Variants in GPHN observed in about 807,000 individuals in gnomAD.
GPHN encodes gephyrin.
Under a neutral mutation model 95.5 loss-of-function variants are expected in GPHN, and 17 were observed. That is an observed-to-expected ratio of 0.18 (90% CI 0.12 to 0.27). The LOEUF is 0.27. GPHN is among the 10% of genes least tolerant of loss of function. The pLI, the probability that GPHN is intolerant of heterozygous loss-of-function variation, is 1.00. For missense variants in GPHN, 660 were observed against 978.1 expected, an observed-to-expected ratio of 0.67 and a Z score of 4.34; for synonymous variants, 320 against 322.5, an observed-to-expected ratio of 0.99 and a Z score of 0.08.
At chr14:67,150,498 A>C (rs1169573377) in intron 18 of GPHN, among the ~76,000 whole-genome samples, 2 of 147,892 alleles carry the variant, frequency 1.4e-5, no homozygotes, top group African/African-American at 5.0e-5. Flanking sequence ...CAGAATAATT[A>C]TTTGATTTTG....
chr14:67,265,324 G>A, the GPHN span, among the ~76,000 whole-genome samples: 1 of 152,166 alleles, frequency 6.6e-6, no homozygotes, highest in African/African-American at 2.4e-5. Flanking sequence ...TCGGGAGGCT[G>A]AGGTGGGAGG....
chr14:67,718,415 T>C, the GPHN span, among the ~76,000 whole-genome samples: 3 of 152,198 alleles, frequency 2.0e-5, no homozygotes, highest in African/African-American at 7.2e-5. Context: ...AGGAGACCAG[T>C]ACAGTATGAG....
intron 5 of GPHN, among the ~76,000 whole-genome samples, chr14:66,915,136 G>A (rs2065843438): frequency 6.6e-6 from 1 of 152,022 alleles, no homozygotes; most frequent in South Asian, 2.1e-4. Context: ...ATAAAATATA[G>A]GACAGTTTTA....
chr14:67,521,640 A>G, the GPHN span, among the ~76,000 whole-genome samples: 1 of 152,234 alleles, frequency 6.6e-6, no homozygotes, highest in South Asian at 2.1e-4. Context: ...TGAAGAACTC[A>G]TGATTCTGTG....
At chr14:66,676,386 C>G (rs2066589095) in intron 1 of GPHN, among the ~76,000 whole-genome samples, 1 of 151,956 alleles carries the variant, frequency 6.6e-6, no homozygotes, top group Non-Finnish European at 1.5e-5. Flanking sequence ...TTTTCTTGTT[C>G]TAGTTCTTAA....
the GPHN span, among the ~76,000 whole-genome samples, chr14:67,310,584 T>C: frequency 6.6e-6 from 1 of 152,224 alleles, no homozygotes; most frequent in Admixed American, 6.5e-5. Flanking sequence ...TATACACTTA[T>C]GATAATGTGT....
intron 10 of GPHN, among the ~76,000 whole-genome samples, chr14:67,055,124 C>T (rs1011748970): frequency 2.0e-5 from 3 of 152,028 alleles, no homozygotes. Context: ...TTCTGCACAG[C>T]AAAAGAAACT....
intron 3 of GPHN, among the ~76,000 whole-genome samples, chr14:66,808,793 T>C (rs2153480980): frequency 6.6e-6 from 1 of 152,206 alleles, no homozygotes; most frequent in South Asian, 2.1e-4. Flanking sequence ...TGAGACTTCA[T>C]CTCAAAAAAT....
chr14:67,573,934 G>T, the GPHN span: 1 of 1,393,786 alleles, frequency 7.2e-7, no homozygotes, highest in South Asian at 1.2e-5. The surrounding 1 kb of genome is among the most constrained non-coding windows in gnomAD (Gnocchi z 4.8). Flanking sequence ...AGAGGTGCTG[G>T]GTTTGGATAT....
intron 17 of GPHN, among the ~76,000 whole-genome samples, chr14:67,124,844 C>G (rs2079206765): frequency 6.6e-6 from 1 of 151,792 alleles, no homozygotes; most frequent in African/African-American, 2.4e-5. Context: ...ACTTAATATA[C>G]TGTATATACT....
intron 1 of GPHN, among the ~76,000 whole-genome samples, chr14:66,673,934 A>G (rs1211995049): frequency 6.6e-6 from 1 of 152,182 alleles, no homozygotes; most frequent in South Asian, 2.1e-4. Context: ...GTGTAATTAT[A>G]AAATCAGGGT....
chr14:67,140,755 G>T (rs1390049699), intron 17 of GPHN, among the ~76,000 whole-genome samples: 2 of 152,132 alleles, frequency 1.3e-5, no homozygotes, highest in Non-Finnish European at 2.9e-5. Context: ...ATCCAGCAAG[G>T]CAAGGAGCCC....
the GPHN span, among the ~76,000 whole-genome samples, chr14:67,337,065 G>A: frequency 1.4e-4 from 21 of 152,192 alleles, no homozygotes; most frequent in South Asian, 4.1e-4. Flanking sequence ...TTTTTCCTCT[G>A]TAAAATAGGG....
chr14:67,355,009 T>A, the GPHN span, among the ~76,000 whole-genome samples: 14 of 151,978 alleles, frequency 9.2e-5, no homozygotes, highest in African/African-American at 3.4e-4. Context: ...GACAGGTTTC[T>A]CCATGTTGGT....
chr14:67,004,467 A>T (rs1449185695), intron 9 of GPHN, among the ~76,000 whole-genome samples: 2 of 151,834 alleles, frequency 1.3e-5, no homozygotes. Context: ...ATGATTTTAC[A>T]AATTGAAATA....
At chr14:67,171,920 A>G (rs962028308) in intron 21 of GPHN, among the ~76,000 whole-genome samples, 3 of 152,112 alleles carry the variant, frequency 2.0e-5, no homozygotes, top group African/African-American at 7.2e-5. Flanking sequence ...TTGGACACCT[A>G]CAGACCTCAC....
intron 1 of GPHN, among the ~76,000 whole-genome samples, chr14:66,641,452 G>A (rs925257459): frequency 1.3e-5 from 2 of 152,156 alleles, no homozygotes; most frequent in Non-Finnish European, 2.9e-5. Context: ...TTGTATAAAA[G>A]ATGGATGTTT....
intron 1 of GPHN, among the ~76,000 whole-genome samples, chr14:66,625,528 C>G (rs2063493435): frequency 6.6e-6 from 1 of 151,886 alleles, no homozygotes. Context: ...TATTGTCTGC[C>G]TTTTGTCCTA....
chr14:67,020,700 C>T (rs1237714600), intron 9 of GPHN, among the ~76,000 whole-genome samples: 1 of 151,982 alleles, frequency 6.6e-6, no homozygotes, highest in Non-Finnish European at 1.5e-5. Context: ...TATGCTGTTC[C>T]TACATGTTAT....
Sources: gnomAD v4.1 joint callset for allele counts (sites outside exome capture counted in the v4.1 genomes callset) on GRCh38, gnomAD v4.1.1 for gene constraint, Gnocchi (gnomAD v3.1) non-coding constraint, MANE v1.5 for transcripts, NCBI Gene and HGNC (gene_info 2026-07-23, HGNC 2026-07-21) for gene names.